The following F2R variants were observed in gnomAD, a reference collection of about 807,000 sequenced individuals.
F2R encodes proteinase-activated receptor 1.
F2R carries 12 observed loss-of-function variants against 18.3 expected under a neutral mutation model. That is an observed-to-expected ratio of 0.66 (90% confidence interval 0.42 to 1.06). The LOEUF (loss-of-function observed/expected upper bound fraction) is 1.06, where lower values mean the gene tolerates loss of function less well. Ranked by LOEUF, F2R falls within the 50% of genes least tolerant of loss-of-function variation. The probability of loss-of-function intolerance (pLI) is 0.00; values close to 1 mark genes in which losing one functional copy is unlikely to be tolerated. For missense variants in F2R, 438 were observed against 530.8 expected (o/e 0.83, Z 1.72); for synonymous variants, 210 against 219.9 (o/e 0.95, Z 0.40).
Position 76,733,698 on chromosome 5 carries a change from G to A in F2R, c.*195G>A, listed in dbSNP as rs984926187. ...CAGAAAGATAACAGGACGAGATGACGGTGTTATTCCAAGGGAATATTGCCA... is the reference window on the plus strand; with the variant it reads ...CAGAAAGATAACAGGACGAGATGACAGTGTTATTCCAAGGGAATATTGCCA... On this transcript the variant is annotated 3_prime_UTR_variant, in exon 2 of 2. Coordinates refer to ENST00000319211, the MANE Select transcript of F2R (RefSeq NM_001992.5). 3.0e-5 allele frequency: 17 copies of A among 575,338 alleles called. No individual in the cohort carries two copies. The highest frequency in any genetic ancestry group is 4.3e-5 in the Non-Finnish European group (14 of 326,120). The allele number at this position is 575,338 out of a possible 1,614,324, so 35.6% of individuals were successfully genotyped here.
intron 1 of F2R, chr5:76,716,673 G>C (rs780011781): frequency 1.3e-6 from 1 of 745,878 alleles, no homozygotes; most frequent in Non-Finnish European, 2.4e-6. Flanking sequence ...GAAGCCCCCT[G>C]GGGGAGCCTG....
chr5:76,729,696 G>A (rs1213627593), intron 1 of F2R, among the ~76,000 whole-genome samples: 1 of 152,164 alleles, frequency 6.6e-6, no homozygotes, highest in East Asian at 1.9e-4. Flanking sequence ...TGAGAGAAGG[G>A]GGACAAGACG....
chr5:76,725,017 G>A (rs1486691151), intron 1 of F2R, among the ~76,000 whole-genome samples: 1 of 152,122 alleles, frequency 6.6e-6, no homozygotes, highest in African/African-American at 2.4e-5. Flanking sequence ...TTCAACTCTT[G>A]TGCTCTGTGT....
Position 76,733,093 on chromosome 5 carries a change from T to TA in F2R, c.869dup (p.Tyr290Ter). 1 of 1,614,206 alleles carries TA rather than the reference T, an allele frequency of 6.2e-7. No individual in the cohort carries two copies. Among genetic ancestry groups the TA allele is most frequent in the Non-Finnish European group, 8.5e-7 (1 of 1,180,044 alleles). The change falls in exon 2 of 2, where the codon TAT becomes TAAT. Residue 290 changes from tyrosine to a stop codon, truncating the protein, a stop_gained and frameshift_variant. Coordinates refer to ENST00000319211, the MANE Select transcript of F2R (RefSeq NM_001992.5). LOFTEE classifies it low-confidence loss of function (END_TRUNC). ...FVPLIISTVCYVSIIRCLSSS... is the reference protein window; with the variant it reads ...FVPLIISTVC The stretch of plus-strand genomic sequence containing the variant: ...GCCGCTGATCATTTCCACGGTCTGT[T>TA]ATGTGTCTATCATTCGATGTCTTAG...
intron 1 of F2R, among the ~76,000 whole-genome samples, chr5:76,720,539 C>T (rs755589836): frequency 6.6e-6 from 1 of 151,454 alleles, no homozygotes; most frequent in Non-Finnish European, 1.5e-5. Context: ...ATAAAATTAA[C>T]CATTTTAAAG....
At position 76,733,084 on chromosome 5, in the gene F2R, A is replaced by G. The variant is rs747075865; in HGVS notation, c.859A>G (p.Thr287Ala). The G allele has an allele frequency of 3.7e-6, 6 of 1,613,928 alleles. No homozygotes were observed. In the Admixed American group the frequency reaches 1.0e-4, roughly 27 times the overall value. The stretch of plus-strand genomic sequence containing the variant: ...CTTTTTTGTGCCGCTGATCATTTCC[A>G]CGGTCTGTTATGTGTCTATCATTCG... ...VFFFVPLIIS[T>A]VCYVSIIRCL... is the part of the protein sequence containing the mutation. The change falls in exon 2 of 2, where the codon ACG becomes GCG. Residue 287 changes from threonine to alanine, a missense_variant. Thr to Ala is a moderately conservative substitution (Grantham distance 58). Transcript: ENST00000319211.
intron 1 of F2R, among the ~76,000 whole-genome samples, chr5:76,727,096 G>A (rs138393847): frequency 2.8e-4 from 43 of 152,316 alleles, no homozygotes; most frequent in African/African-American, 9.6e-4. Context: ...TTGCTAAGTA[G>A]GAGGGAAGAT....
At chr5:76,724,154 A>G (rs1580890824) in intron 1 of F2R, among the ~76,000 whole-genome samples, 1 of 151,828 alleles carries the variant, frequency 6.6e-6, no homozygotes, top group East Asian at 1.9e-4. Flanking sequence ...CACAGTCTCA[A>G]CCTCCTGGGC....
In F2R at chr5:76,733,656, G is replaced by A; in HGVS notation, c.*153G>A. 1 of 628,204 alleles carries A rather than the reference G, an allele frequency of 1.6e-6. No homozygotes were observed. Among genetic ancestry groups the A allele is most frequent in the South Asian group, 2.1e-5 (1 of 47,072 alleles). The allele number at this position is 628,204 out of a possible 1,614,324, so 38.9% of individuals were successfully genotyped here. On this transcript the variant is annotated 3_prime_UTR_variant, in exon 2 of 2. Transcript: ENST00000319211. ...GCTTTTTATGGGAGCTGTCAAGCAT[G>A]TATTTTTGTCAATTACCAGAAAGAT...
rs1005096465 is a variant in F2R at position 76,735,574 on chromosome 5, A to T, written c.*2071A>T. 12 of 152,232 alleles carry T rather than the reference A, an allele frequency of 7.9e-5. No individual in the cohort carries two copies. Among genetic ancestry groups the T allele is most frequent in the African/African-American group, 2.9e-4 (12 of 41,472 alleles). 9.4% of individuals were successfully genotyped at this position (152,232 alleles called of 1,614,324 possible). The stretch of plus-strand genomic sequence containing the variant: ...AAAGTAATATAACTGTATTGTAAGT[A>T]GAAGCTAGCACTGGTTTTATTAATT... On this transcript the variant is annotated 3_prime_UTR_variant, in exon 2 of 2. Transcript: ENST00000319211.
intron 1 of F2R, among the ~76,000 whole-genome samples, chr5:76,721,974 G>A (rs1052011839): frequency 6.6e-6 from 1 of 152,168 alleles, no homozygotes; most frequent in Non-Finnish European, 1.5e-5. Flanking sequence ...ACATATTGCA[G>A]CAGCTACATG....
intron 1 of F2R, among the ~76,000 whole-genome samples, chr5:76,730,726 G>A (rs746593250): frequency 5.3e-5 from 8 of 152,088 alleles, no homozygotes; most frequent in Non-Finnish European, 7.4e-5. Flanking sequence ...GTTTCACAAC[G>A]CTGCCTTCCA....
intron 1 of F2R, among the ~76,000 whole-genome samples, chr5:76,728,685 C>CTTTTTTTTTTTTTTTT (rs763418437): frequency 2.2e-5 from 2 of 90,510 alleles, no homozygotes; most frequent in East Asian, 3.5e-4. Context: ...ACATCCTGGT[C>CTTTTTTTTTTTTTTTT]TTTTTTTTTT....
chr5:76,728,021 G>A (rs971400201), intron 1 of F2R, among the ~76,000 whole-genome samples: 1 of 151,350 alleles, frequency 6.6e-6, no homozygotes. Flanking sequence ...CCAAAGTGTT[G>A]AGATTACAGG....
chr5:76,730,155 C>G (rs1748643780), intron 1 of F2R, among the ~76,000 whole-genome samples: 1 of 152,208 alleles, frequency 6.6e-6, no homozygotes, highest in Non-Finnish European at 1.5e-5. Context: ...TTTACTCAAG[C>G]AGCAGACTCT....
chr5:76,730,067 AGGAAAAAAGACTCT>A (rs1157946062), intron 1 of F2R, among the ~76,000 whole-genome samples: 6 of 152,234 alleles, frequency 3.9e-5, no homozygotes, highest in Non-Finnish European at 7.3e-5. Flanking sequence ...TATAAATTAC[AGGAAAAAAGACTCT>A]GGATTTTGTT....
rs1342292300 is a variant in F2R at position 76,732,861 on chromosome 5, C to T, written c.636C>T (p.Ser212=). ...TGGTGTATCCCATGCAGTCCCTCTCCTGGCGTACTCTGGGAAGGGCTTCCT... is the reference window on the plus strand; with the variant it reads ...TGGTGTATCCCATGCAGTCCCTCTCTTGGCGTACTCTGGGAAGGGCTTCCT... ...LAVVYPMQSL[S]WRTLGRASFT... Residue 212 remains serine, a synonymous_variant, in exon 2 of 2, where the codon TCC becomes TCT. Transcript: ENST00000319211. 8 of 1,614,238 alleles carry T rather than the reference C, an allele frequency of 5.0e-6. No homozygotes were observed. The East Asian group carries it at 1.8e-4, about 36-fold the overall frequency.
rs777014666 is a variant in F2R at position 76,732,595 on chromosome 5, A to G, written c.370A>G (p.Ile124Val). Residue 124 changes from isoleucine (I) to valine (V), a missense_variant, in exon 2 of 2, where the codon ATC becomes GTC. Coordinates refer to ENST00000319211, the MANE Select transcript of F2R (RefSeq NM_001992.5). Reference sequence around the variant, plus strand: ...CAGCCTCCCACTAAACATCATGGCCATCGTTGTGTTCATCCTGAAAATGAA... The same window carrying G: ...CAGCCTCCCACTAAACATCATGGCCGTCGTTGTGTTCATCCTGAAAATGAA... ...VVSLPLNIMA[I>V]VVFILKMKVK... is the part of the protein sequence containing the mutation. 1.8e-5 allele frequency: 29 copies of G among 1,614,130 alleles called. No homozygotes were observed. In the South Asian group the frequency reaches 3.1e-4, roughly 17 times the overall value.
At chr5:76,716,624 G>A in intron 1 of F2R, 1 of 732,108 alleles carries the variant, frequency 1.4e-6, no homozygotes, top group East Asian at 2.6e-5. Context: ...GGTGCAGCCC[G>A]CCTGCCACGG....
Sources: gnomAD v4.1 joint callset for allele counts (sites outside exome capture counted in the v4.1 genomes callset) on GRCh38, gnomAD v4.1.1 for gene constraint, MANE v1.5 for transcripts, NCBI Gene and HGNC (gene_info 2026-07-23, HGNC 2026-07-21) for gene names.